The following AEBP1 variants were observed in gnomAD, a reference collection of about 807,000 sequenced individuals.
The protein encoded by AEBP1 is AE binding protein 1, also known as adipocyte enhancer-binding protein 1.
A neutral mutation model predicts 116.5 loss-of-function variants in AEBP1; 69 were observed. That is an observed-to-expected ratio of 0.59 (90% CI 0.49 to 0.72). The LOEUF is 0.72. AEBP1 is among the 30% of genes least tolerant of loss of function. AEBP1 has a pLI of 0.00. For synonymous variants in AEBP1, 627 were observed against 627.3 expected (o/e 1.00, Z 0.01); for missense variants, 1,444 against 1,557.5 (o/e 0.93, Z 1.23).
Position 44,104,466 on chromosome 7 carries a change from C to T in AEBP1, c.-200C>T. 1 of 455,072 alleles carries T rather than the reference C, an allele frequency of 2.2e-6. No individual in the cohort carries two copies. Among genetic ancestry groups the T allele is most frequent in the South Asian group, 4.7e-5 (1 of 21,098 alleles). 28.2% of individuals were successfully genotyped at this position (455,072 alleles called of 1,614,324 possible). Reference sequence around the variant, plus strand: ...TGAGCCCCTCTGGCTTCGGAGCCCCCCAGCACCCCTTCCCGGGTCCCCTCG... The same window carrying T: ...TGAGCCCCTCTGGCTTCGGAGCCCCTCAGCACCCCTTCCCGGGTCCCCTCG... On this transcript the variant is annotated 5_prime_UTR_variant, in exon 1 of 21. Coordinates refer to ENST00000223357, the MANE Select transcript of AEBP1 (RefSeq NM_001129.5).
In AEBP1 at chr7:44,113,584, C is replaced by T; in HGVS notation, c.2810-10C>T. ...CGCTCTGGGGCAGCCGGATCGTTCT[C>T]CCTCCGCAGCCAGTGGTGGTGATTA... On this transcript the variant is annotated splice_polypyrimidine_tract_variant and intron_variant, in intron 20 of 20. Transcript: ENST00000223357. This position sits in a 1 kb window ranked among gnomAD's most constrained non-coding sequence, Gnocchi z 5.3. The T allele has an allele frequency of 6.2e-7, 1 of 1,604,584 alleles. No individual in the cohort carries two copies. The highest frequency in any genetic ancestry group is 8.5e-7 in the Non-Finnish European group (1 of 1,177,152).
rs998469665 is a variant in AEBP1 at position 44,110,185 on chromosome 7, G to C, written c.1261-22G>C. 3.1e-6 allele frequency: 5 copies of C among 1,613,324 alleles called. No individual in the cohort carries two copies. In the African/African-American group the frequency reaches 4.0e-5, roughly 13 times the overall value. On this transcript the variant is annotated intron_variant, in intron 10 of 20. Coordinates refer to ENST00000223357, the MANE Select transcript of AEBP1 (RefSeq NM_001129.5). ...TAAGGGACTCCTCCGCCCATGCTCA[G>C]CCTCCCCTGCCCCCTGGACAGACCG...
In AEBP1 at chr7:44,111,179, T is replaced by C. The variant is rs1688546366; in HGVS notation, c.1656T>C (p.Asn552=). Residue 552 remains asparagine, a synonymous_variant, in exon 14 of 21, where the codon AAT becomes AAC. Coordinates refer to ENST00000223357, the MANE Select transcript of AEBP1 (RefSeq NM_001129.5). This position sits in a 1 kb window ranked among gnomAD's most constrained non-coding sequence, Gnocchi z 4.7. ...VAPVYSYYAQ[N]EVVATDDLDF... is the part of the protein sequence containing the mutation. ...CTGTCTACAGCTACTACGCACAGAATGAGGTGGTGGCCACCGATGACCTGG... is the reference window on the plus strand; with the variant it reads ...CTGTCTACAGCTACTACGCACAGAACGAGGTGGTGGCCACCGATGACCTGG... 7 of 1,522,230 alleles carry C rather than the reference T, an allele frequency of 4.6e-6. No homozygotes were observed. Among genetic ancestry groups the C allele is most frequent in the Non-Finnish European group, 6.2e-6 (7 of 1,134,030 alleles). 94.3% of individuals were successfully genotyped at this position (1,522,230 alleles called of 1,614,324 possible). A position where few individuals can be genotyped will look rare whatever the true frequency, so the allele number is the denominator to read the frequency against.
In AEBP1 at chr7:44,107,678, C is replaced by T. The variant is rs749706932; in HGVS notation, c.717C>T (p.Ile239=). ...EQPTLDYNDQ[I]EREDYEDFEY... is the part of the protein sequence containing the mutation. ...CCACACTGGACTACAATGACCAGAT[C>T]GAGAGGGAGGACTATGAGGACTGTG... Residue 239 remains isoleucine, a synonymous_variant, in exon 4 of 21, where the codon ATC becomes ATT. Coordinates refer to ENST00000223357, the MANE Select transcript of AEBP1 (RefSeq NM_001129.5). The surrounding 1 kb of genome is among the most constrained non-coding windows in gnomAD (Gnocchi z 4.3). The T allele has an allele frequency of 1.6e-5, 26 of 1,613,620 alleles. No homozygotes were observed. Among genetic ancestry groups the T allele is most frequent in the East Asian group, 4.5e-5 (2 of 44,860 alleles).
rs62460065 is a variant in AEBP1, at chr7:44,111,410, C to T, written c.1717-97C>T. 0.45 allele frequency: 663,308 copies of T among 1,466,114 alleles called. 151,879 individuals carry two copies. Among genetic ancestry groups the T allele is most frequent in the Non-Finnish European group, 0.47 (520,640 of 1,104,256 alleles). 90.8% of individuals were successfully genotyped at this position (1,466,114 alleles called of 1,614,324 possible). A position where few individuals can be genotyped will look rare whatever the true frequency, so the allele number is the denominator to read the frequency against. ...GGGGGCTGCGTGAAGGGGTCATGCC[C>T]GTCCCTCGCCATAGAGCAGGCCCTG... On this transcript the variant is annotated intron_variant, in intron 14 of 20. Transcript: ENST00000223357. The surrounding 1 kb of genome is among the most constrained non-coding windows in gnomAD (Gnocchi z 4.7).
Position 44,113,162 on chromosome 7 carries a change from G to A in AEBP1, c.2709+32G>A, listed in dbSNP as rs1384436872. 1 of 1,613,552 alleles carries A rather than the reference G, an allele frequency of 6.2e-7. No homozygotes were observed. Among genetic ancestry groups the A allele is most frequent in the Non-Finnish European group, 8.5e-7 (1 of 1,179,756 alleles). ...TGGCTAGGGCAATGCCTGGGGAGAGGAGGCTGCACAGGCTCCTGGATGGGC... is the reference window on the plus strand; with the variant it reads ...TGGCTAGGGCAATGCCTGGGGAGAGAAGGCTGCACAGGCTCCTGGATGGGC... On this transcript the variant is annotated intron_variant, in intron 19 of 20. Transcript: ENST00000223357. The surrounding 1 kb of genome is among the most constrained non-coding windows in gnomAD (Gnocchi z 5.3).
At position 44,111,944 on chromosome 7, in the gene AEBP1, G is replaced by A. The variant is rs375474488; in HGVS notation, c.1931G>A (p.Arg644Gln). Residue 644 changes from arginine to glutamine, a missense_variant, in exon 16 of 21, where the codon CGA becomes CAA. Transcript: ENST00000223357. The surrounding 1 kb of genome is among the most constrained non-coding windows in gnomAD (Gnocchi z 4.7). The stretch of plus-strand genomic sequence containing the variant: ...CTGCTGCTCATGCAGTACCTGTGCC[G>A]AGAGTACCGCGATGGGAACCCACGT... The part of the protein sequence containing the change: ...LLLLLMQYLC[R>Q]EYRDGNPRVR... The A allele has an allele frequency of 5.0e-6, 8 of 1,613,776 alleles. No homozygotes were observed. Among genetic ancestry groups the A allele is most frequent in the Admixed American group, 1.7e-5 (1 of 59,998 alleles).
chr7:44,110,364 T>C lies in AEBP1; in HGVS notation c.1400+18T>C, dbSNP rs575424331. 22 of 1,613,252 alleles carry C rather than the reference T, an allele frequency of 1.4e-5. No homozygotes were observed. Among genetic ancestry groups the C allele is most frequent in the Non-Finnish European group, 1.9e-5 (22 of 1,179,912 alleles). ...AGCATCCAGTGCGTGGCCAGGCTCA[T>C]GGATAGTTGGCAGAGGGGAGTGGCT... On this transcript the variant is annotated intron_variant, in intron 11 of 20. Transcript: ENST00000223357.
chr7:44,105,392 G>A (rs1292019936), intron 1 of AEBP1, among the ~76,000 whole-genome samples: 1 of 152,172 alleles, frequency 6.6e-6, no homozygotes. Context: ...TTCAGGTGGT[G>A]GTGAGCAATG....
At position 44,107,874 on chromosome 7, in the gene AEBP1, G is replaced by A. The variant is rs775469777; in HGVS notation, c.805G>A (p.Val269Ile). 1 of 1,606,314 alleles carries A rather than the reference G, an allele frequency of 6.2e-7. No individual in the cohort carries two copies. Among genetic ancestry groups the A allele is most frequent in the South Asian group, 1.1e-5 (1 of 90,060 alleles). ...AAGCAGAAGGAGGAGGCCCGAGCGG[G>A]TCTGGCCAGAGCCCCCTGAGGAGAA... ...PPSRRRRPER[V>I]WPEPPEEKAP... Residue 269 changes from valine to isoleucine, a missense_variant, in exon 5 of 21, where the codon GTC becomes ATC. Transcript: ENST00000223357. This position sits in a 1 kb window ranked among gnomAD's most constrained non-coding sequence, Gnocchi z 4.3.
intron 1 of AEBP1, 21 bp downstream of exon 1, chr7:44,104,939 G>C (rs1470089797): frequency 4.6e-6 from 7 of 1,505,738 alleles, no homozygotes; most frequent in Non-Finnish European, 6.2e-6. Context: ...AGGGCAGGGC[G>C]GGGGTGTGGG....
At chr7:44,110,181 C>T (rs530190841) in intron 10 of AEBP1, 26 bp from the exon 11 acceptor site, 2 of 1,613,442 alleles carry the variant, frequency 1.2e-6, no homozygotes, top group African/African-American at 1.3e-5. Flanking sequence ...TCCGCCCATG[C>T]TCAGCCTCCC....
Position 44,111,648 on chromosome 7 carries a change from C to A in AEBP1, c.1840+18C>A. On this transcript the variant is annotated intron_variant, in intron 15 of 20. Coordinates refer to ENST00000223357, the MANE Select transcript of AEBP1 (RefSeq NM_001129.5). This position sits in a 1 kb window ranked among gnomAD's most constrained non-coding sequence, Gnocchi z 4.7. Reference sequence around the variant, plus strand: ...TGAACTGGGTGAGGGTCTGTGGGGGCCAGCAGCTGGCCTCTGCTGCTGATG... The same window carrying A: ...TGAACTGGGTGAGGGTCTGTGGGGGACAGCAGCTGGCCTCTGCTGCTGATG... The A allele has an allele frequency of 6.2e-7, 1 of 1,609,856 alleles. No homozygotes were observed. The highest frequency in any genetic ancestry group is 8.5e-7 in the Non-Finnish European group (1 of 1,178,790).
Position 44,113,612 on chromosome 7 carries a change from G to A in AEBP1, c.2828G>A (p.Trp943Ter). The change falls in exon 21 of 21, where the codon TGG (tryptophan) becomes TAG (stop). Residue 943 changes from tryptophan (W) to a stop codon, truncating the protein, a stop_gained. Transcript: ENST00000223357. LOFTEE classifies it low-confidence loss of function (END_TRUNC). This position sits in a 1 kb window ranked among gnomAD's most constrained non-coding sequence, Gnocchi z 5.3. ...GVKTASGGDY[W>*]RILNPGEYRV... ...TCCGCAGCCAGTGGTGGTGATTACTGGCGAATCTTGAACCCGGGTGAGTAC... is the reference window on the plus strand; with the variant it reads ...TCCGCAGCCAGTGGTGGTGATTACTAGCGAATCTTGAACCCGGGTGAGTAC... 1.2e-6 allele frequency: 2 copies of A among 1,612,094 alleles called. No homozygotes were observed. The highest frequency in any genetic ancestry group is 1.7e-6 in the Non-Finnish European group (2 of 1,179,684).
chr7:44,105,029 C>A, intron 1 of AEBP1, 111 bp downstream of exon 1: 1 of 977,296 alleles, frequency 1.0e-6, no homozygotes, highest in Non-Finnish European at 1.5e-6. Context: ...GAATGGCTGG[C>A]TTACTAATGC....
At chr7:44,110,655 A>AGG in intron 11 of AEBP1, 70 bp from the exon 12 acceptor site, 2 of 1,350,144 alleles carry the variant, frequency 1.5e-6, no homozygotes, top group Non-Finnish European at 2.0e-6. Flanking sequence ...GGCTCGGAAG[A>AGG]GGGAGGCTCA....
rs1011897919 is a variant in AEBP1, at chr7:44,105,048, G to A, written c.253+130G>A. On this transcript the variant is annotated intron_variant, in intron 1 of 20. Coordinates refer to ENST00000223357, the MANE Select transcript of AEBP1 (RefSeq NM_001129.5). ...GGCTGGCTTACTAATGCGCACGCGAGCCCAGATGCCTGGAGGGACCCTGTG... is the reference window on the plus strand; with the variant it reads ...GGCTGGCTTACTAATGCGCACGCGAACCCAGATGCCTGGAGGGACCCTGTG... The A allele has an allele frequency of 5.9e-6, 5 of 841,982 alleles. No homozygotes were observed. In the African/African-American group the frequency reaches 8.6e-5, roughly 14 times the overall value. The allele number at this position is 841,982 out of a possible 1,614,324, so 52.2% of individuals were successfully genotyped here. A position where few individuals can be genotyped will look rare whatever the true frequency, so the allele number is the denominator to read the frequency against.
At chr7:44,109,686 T>G in intron 9 of AEBP1, 2 of 564,142 alleles carry the variant, frequency 3.5e-6, no homozygotes, top group Non-Finnish European at 3.2e-6. Flanking sequence ...CCCATCTGGA[T>G]GACATCTGTG....
At position 44,108,973 on chromosome 7, in the gene AEBP1, C is replaced by T; in HGVS notation, c.1015C>T (p.Leu339=). Reference sequence around the variant, plus strand: ...CCAGACAGACGAAGAGAAGGAGGAGCTGAGTGAGTGGGACCAAGGACTTCC... The same window carrying T: ...CCAGACAGACGAAGAGAAGGAGGAGTTGAGTGAGTGGGACCAAGGACTTCC... ...ERQTDEEKEE[L]KKPKKEDSSP... Residue 339 remains leucine (L), a synonymous_variant, in exon 7 of 21, where the codon CTG becomes TTG. Transcript: ENST00000223357. This position sits in a 1 kb window ranked among gnomAD's most constrained non-coding sequence, Gnocchi z 5.0. The T allele has an allele frequency of 6.2e-7, 1 of 1,605,190 alleles. No homozygotes were observed. The highest frequency in any genetic ancestry group is 8.5e-7 in the Non-Finnish European group (1 of 1,176,480).
Sources: allele counts gnomAD v4.1 joint callset (sites outside exome capture counted in the v4.1 genomes callset), GRCh38; gene constraint gnomAD v4.1.1; non-coding constraint Gnocchi (gnomAD v3.1); transcripts MANE v1.5; gene names NCBI Gene and HGNC (gene_info 2026-07-23, HGNC 2026-07-21).